MEP1B: variants seen among roughly 807,000 people sequenced by gnomAD.
MEP1B encodes meprin A subunit beta.
MEP1B carries 80 observed loss-of-function variants against 84.6 expected under a neutral mutation model. The ratio of observed to expected loss-of-function variants is 0.95; its 90% CI spans 0.79 to 1.14. The LOEUF (loss-of-function observed/expected upper bound fraction) is 1.14, where lower values mean the gene tolerates loss of function less well. Ranked by LOEUF, MEP1B falls within the 50% of genes most tolerant of loss-of-function variation. The probability of loss-of-function intolerance (pLI) is 0.00; values close to 1 mark genes in which losing one functional copy is unlikely to be tolerated. For missense variants in MEP1B, 766 were observed against 855.1 expected (o/e 0.90, Z 1.30); for synonymous variants, 273 against 288.1 (o/e 0.95, Z 0.53).
chr18:32,219,520 G>C (rs1443490453), intron 14 of MEP1B, among the ~76,000 whole-genome samples: 1 of 152,264 alleles, frequency 6.6e-6, no homozygotes, highest in South Asian at 2.1e-4. Context: ...TGGGCCATTG[G>C]GATGAGCCAG....
chr18:32,197,405 G>GTTTT (rs34303503), intron 5 of MEP1B, among the ~76,000 whole-genome samples: 13 of 142,194 alleles, frequency 9.1e-5, no homozygotes, highest in African/African-American at 2.3e-4. Context: ...TTTCATTTTT[G>GTTTT]TTTTTTTTTT....
chr18:32,197,901 T>C (rs2040872158), intron 5 of MEP1B, among the ~76,000 whole-genome samples: 1 of 152,192 alleles, frequency 6.6e-6, no homozygotes, highest in South Asian at 2.1e-4. Flanking sequence ...CTTTCCCCTC[T>C]TGTAGTCCCC....
intron 10 of MEP1B, 62 bp from the exon 11 acceptor site, chr18:32,213,054 A>T (rs1320844855): frequency 6.9e-7 from 1 of 1,451,710 alleles, no homozygotes; most frequent in Admixed American, 1.8e-5. Context: ...CTAGAAATCT[A>T]ATGTTGACAT....
In MEP1B at chr18:32,207,284, G is replaced by A. The variant is rs774266515; in HGVS notation, c.580G>A (p.Asp194Asn). 3.1e-6 allele frequency: 5 copies of A among 1,612,352 alleles called. No homozygotes were observed. Among genetic ancestry groups the A allele is most frequent in the East Asian group, 2.2e-5 (1 of 44,874 alleles). The change falls in exon 8 of 15, where the codon GAT becomes AAT. Residue 194 changes from aspartate to asparagine, a missense_variant. Asp to Asn is a conservative substitution (Grantham distance 23). Coordinates refer to ENST00000269202, the MANE Select transcript of MEP1B (RefSeq NM_005925.3). The stretch of plus-strand genomic sequence containing the variant: ...GCACAATTTTAACACCTATAGTGAC[G>A]ATATATCAGATTCCCTGAATGTTCC... ...REHNFNTYSD[D>N]ISDSLNVPYD...
chr18:32,216,850 A>C, intron 12 of MEP1B, 141 bp from the exon 13 acceptor site: 62 of 937,000 alleles, frequency 6.6e-5, no homozygotes, highest in Non-Finnish European at 7.9e-5. Context: ...CCTGGGCAAC[A>C]TTGCAAGATC....
At chr18:32,206,584 C>A (rs903385902) in intron 7 of MEP1B, among the ~76,000 whole-genome samples, 1 of 151,942 alleles carries the variant, frequency 6.6e-6, no homozygotes, top group Non-Finnish European at 1.5e-5. Context: ...CATGCACCAC[C>A]ATGCCTGGCT....
chr18:32,203,010 G>A lies in MEP1B; in HGVS notation c.368G>A (p.Gly123Asp). 1 of 1,574,768 alleles carries A rather than the reference G, an allele frequency of 6.4e-7. No individual in the cohort carries two copies. Among genetic ancestry groups the A allele is most frequent in the Non-Finnish European group, 8.7e-7 (1 of 1,147,862 alleles). ...TATATATCAGTGTTCAAGGGCAGTGGGTAAGTTGCAGACTTAGTCTTCTAA... is the reference window on the plus strand; with the variant it reads ...TATATATCAGTGTTCAAGGGCAGTGAGTAAGTTGCAGACTTAGTCTTCTAA... ...TNYISVFKGSGCWSSVGNRRV... is the reference protein window; with the variant it reads ...TNYISVFKGSDCWSSVGNRRV... Residue 123 changes from glycine (G) to aspartate (D), a missense_variant and splice_region_variant, in exon 6 of 15, where the codon GGC becomes GAC. By Grantham distance (94) the Gly-to-Asp change is moderately conservative (BLOSUM62 -1). Transcript: ENST00000269202.
intron 12 of MEP1B, among the ~76,000 whole-genome samples, chr18:32,215,813 G>C (rs1288238460): frequency 1.3e-5 from 2 of 151,906 alleles, no homozygotes; most frequent in Non-Finnish European, 2.9e-5. Context: ...CAAAGAGCGA[G>C]ACTCCGTCTC....
Position 32,208,863 on chromosome 18 carries a change from A to G in MEP1B, c.919+592A>G, listed in dbSNP as rs1221141302. 2.0e-5 allele frequency among the ~76,000 whole-genome samples: 3 copies of G among 152,204 alleles called. No individual in the cohort carries two copies. The East Asian group carries it at 5.8e-4, about 29-fold the overall frequency. On this transcript the variant is annotated intron_variant, in intron 9 of 14. Coordinates refer to ENST00000269202, the MANE Select transcript of MEP1B (RefSeq NM_005925.3). ...ACTTCAGAACTTAGGGCCAGTGCTTAATAGCTCAGATGATCTAGGCAGGAA... is the reference window on the plus strand; with the variant it reads ...ACTTCAGAACTTAGGGCCAGTGCTTGATAGCTCAGATGATCTAGGCAGGAA...
intron 7 of MEP1B, among the ~76,000 whole-genome samples, chr18:32,206,491 G>A (rs921155807): frequency 5.5e-4 from 83 of 150,504 alleles, no homozygotes; most frequent in African/African-American, 1.9e-3. Context: ...GTGCAGTGGC[G>A]TGATCACAGC....
intron 5 of MEP1B, among the ~76,000 whole-genome samples, chr18:32,201,334 G>A (rs1401428977): frequency 1.8e-5 from 2 of 108,964 alleles, no homozygotes; most frequent in Non-Finnish European, 3.9e-5. Flanking sequence ...ACACACACAC[G>A]GCATACTATT....
rs201628805 is a variant in MEP1B at position 32,192,656 on chromosome 18, C to T, written c.93C>T (p.Gly31=). 2.4e-5 allele frequency: 39 copies of T among 1,612,534 alleles called. No homozygotes were observed. Among genetic ancestry groups the T allele is most frequent in the African/African-American group, 1.5e-4 (11 of 74,784 alleles). The change falls in exon 3 of 15, where the codon GGC becomes GGT. Residue 31 remains glycine, a synonymous_variant. Coordinates refer to ENST00000269202, the MANE Select transcript of MEP1B (RefSeq NM_005925.3). Reference sequence around the variant, plus strand: ...TTGTTTTAATCAAAGATGTAGATGGCGGAATGGACCAGGACATATTTGATA... The same window carrying T: ...TTGTTTTAATCAAAGATGTAGATGGTGGAATGGACCAGGACATATTTGATA... The part of the protein sequence containing the change: ...LATPENFDVD[G]GMDQDIFDIN...
At position 32,212,219 on chromosome 18, in the gene MEP1B, C is replaced by T. The variant is rs937180418; in HGVS notation, c.1136-897C>T. ...CCTTCCTATTAGCAATCTGTGGGTT[C>T]GTCATTGATACACAATAACACAAAA... is the stretch of plus-strand genomic sequence containing the variant. On this transcript the variant is annotated intron_variant, in intron 10 of 14. Transcript: ENST00000269202. Among the ~76,000 whole-genome samples the T allele has an allele frequency of 1.1e-4, 17 of 151,670 alleles. No individual in the cohort carries two copies. In the South Asian group the frequency reaches 2.3e-3, roughly 20 times the overall value.
intron 9 of MEP1B, among the ~76,000 whole-genome samples, chr18:32,208,580 T>G (rs183216526): frequency 6.6e-6 from 1 of 152,330 alleles, no homozygotes; most frequent in Non-Finnish European, 1.5e-5. Context: ...GCAGTACTAT[T>G]GTTTCCTAGA....
intron 12 of MEP1B, among the ~76,000 whole-genome samples, chr18:32,216,046 G>A (rs565121241): frequency 2.1e-5 from 3 of 146,042 alleles, no homozygotes; most frequent in African/African-American, 7.5e-5. Context: ...TTAATCTCTT[G>A]TTAGACTAAT....
At position 32,196,956 on chromosome 18, in the gene MEP1B, A is replaced by C; in HGVS notation, c.250+1471A>C. ...GTTAAACAGGTGCAGGGCCTGATTG[A>C]TGGGCTCACAGGGAGCCAGTCTTTA... On this transcript the variant is annotated intron_variant, in intron 5 of 14. Transcript: ENST00000269202. This position sits in a 1 kb window ranked among gnomAD's most constrained non-coding sequence, Gnocchi z 4.4. 3.5e-6 allele frequency: 1 copy of C among 281,816 alleles called. No homozygotes were observed. The highest frequency in any genetic ancestry group is 5.3e-5 in the South Asian group (1 of 19,006). 17.5% of individuals were successfully genotyped at this position (281,816 alleles called of 1,614,324 possible).
rs202103722 is a variant in MEP1B at position 32,204,275 on chromosome 18, C to A, written c.462C>A (p.Phe154Leu). 5.6e-6 allele frequency: 9 copies of A among 1,603,592 alleles called. No individual in the cohort carries two copies. Among genetic ancestry groups the A allele is most frequent in the Admixed American group, 3.4e-5 (2 of 58,716 alleles). Residue 154 changes from phenylalanine to leucine, a missense_variant, in exon 7 of 15, where the codon TTC becomes TTA. Coordinates refer to ENST00000269202, the MANE Select transcript of MEP1B (RefSeq NM_005925.3). Reference protein sequence around the residue: ...CDRIATVQHEFLHALGFWHEQ... With the variant: ...CDRIATVQHELLHALGFWHEQ... ...GAATAGCAACAGTTCAACACGAGTT[C>A]CTCCACGCTCTGGGATTCTGGCATG...
intron 13 of MEP1B, among the ~76,000 whole-genome samples, 167 bp from the exon 14 acceptor site, chr18:32,217,594 G>A (rs545993542): frequency 3.9e-5 from 6 of 152,054 alleles, no homozygotes; most frequent in Non-Finnish European, 7.4e-5. Context: ...GTTTATACCT[G>A]TGCTCTAGGT....
chr18:32,200,835 G>A (rs2040904495), intron 5 of MEP1B, among the ~76,000 whole-genome samples: 2 of 152,230 alleles, frequency 1.3e-5, no homozygotes, highest in Admixed American at 6.5e-5. Flanking sequence ...AGGGTAAAGA[G>A]TTGGGGATGG....
Sources: allele counts gnomAD v4.1 joint callset (sites outside exome capture counted in the v4.1 genomes callset), GRCh38; gene constraint gnomAD v4.1.1; non-coding constraint Gnocchi (gnomAD v3.1); transcripts MANE v1.5; gene names NCBI Gene and HGNC (gene_info 2026-07-23, HGNC 2026-07-21).